Variants in PCLO observed in about 807,000 individuals in gnomAD.
PCLO encodes the protein piccolo presynaptic cytomatrix protein.
Under a neutral mutation model 427.5 loss-of-function variants are expected in PCLO, and 82 were observed. That is an observed-to-expected ratio of 0.19 (90% CI 0.16 to 0.23). PCLO has a LOEUF of 0.23. Ranked by LOEUF, PCLO falls within the 10% of genes least tolerant of loss-of-function variation. The pLI is 1.00. For synonymous variants in PCLO, 2,357 were observed against 2,155.4 expected (o/e 1.09, Z -2.59); for missense variants, 6,239 against 6,115.9 (o/e 1.02, Z -0.67).
chr7:82,989,067 G>A (rs956014989), intron 3 of PCLO, among the ~76,000 whole-genome samples: 27 of 151,660 alleles, frequency 1.8e-4, no homozygotes, highest in Admixed American at 1.5e-3. Context: ...CAGGTGATTC[G>A]CCCTCCTCGG....
intron 3 of PCLO, among the ~76,000 whole-genome samples, chr7:83,098,089 A>G (rs1461120238): frequency 6.6e-6 from 1 of 152,108 alleles, no homozygotes; most frequent in East Asian, 1.9e-4. Context: ...TCACTGAAGA[A>G]AGGTAAGATA....
rs1212645352 is a variant in PCLO at position 82,956,424 on chromosome 7, T to C, written c.4529A>G (p.Tyr1510Cys). Reference protein sequence around the residue: ...VDDITTRREPYDSVEESSESE... With the variant: ...VDDITTRREPCDSVEESSESE... ...TTCACTACTCTCTTCAACTGAATCA[T>C]AAGGCTCTCTTCTAGTAGTTATGTC... The change falls in exon 5 of 25, where the codon TAT becomes TGT. Residue 1510 changes from tyrosine (Y) to cysteine (C), a missense_variant. Physicochemically the swap from Tyr to Cys is radical, Grantham distance 194. Around this residue, in one of 5 missense-constraint regions of PCLO, gnomAD observed 4,677 missense variants for 4,468.4 expected, o/e 1.05. Coordinates refer to ENST00000333891, the MANE Select transcript of PCLO (RefSeq NM_033026.6). The C allele has an allele frequency of 6.8e-6, 11 of 1,613,722 alleles. No homozygotes were observed. The Middle Eastern group carries it at 6.6e-4, about 96-fold the overall frequency.
chr7:82,777,974 A>G (rs979916361), intron 22 of PCLO, among the ~76,000 whole-genome samples: 9 of 152,222 alleles, frequency 5.9e-5, no homozygotes, highest in African/African-American at 1.9e-4. Flanking sequence ...GGAAACAGAC[A>G]AACTACAGAA....
intron 3 of PCLO, among the ~76,000 whole-genome samples, chr7:83,063,424 T>C (rs1232023420): frequency 6.6e-6 from 1 of 152,124 alleles, no homozygotes; most frequent in Non-Finnish European, 1.5e-5. Flanking sequence ...ATGCATTCAA[T>C]AGAAGCCATA....
chr7:83,067,723 T>C (rs1490136589), intron 3 of PCLO, among the ~76,000 whole-genome samples: 2 of 152,240 alleles, frequency 1.3e-5, no homozygotes, highest in Non-Finnish European at 2.9e-5. Context: ...ACTTGTTTTG[T>C]TATATTTTCA....
chr7:82,982,997 C>T (rs1796180635), intron 3 of PCLO, among the ~76,000 whole-genome samples: 1 of 150,700 alleles, frequency 6.6e-6, no homozygotes, highest in African/African-American at 2.4e-5. Context: ...AAATTAACAC[C>T]TACTCTAATA....
chr7:83,131,475 G>A (rs1045739135), intron 3 of PCLO, among the ~76,000 whole-genome samples: 3 of 152,026 alleles, frequency 2.0e-5, no homozygotes, highest in Non-Finnish European at 4.4e-5. Flanking sequence ...TCTCACAACC[G>A]GAGAAACAGA....
At chr7:82,973,816 G>T (rs1795958417) in intron 3 of PCLO, among the ~76,000 whole-genome samples, 1 of 151,826 alleles carries the variant, frequency 6.6e-6, no homozygotes, top group African/African-American at 2.4e-5. Flanking sequence ...ATTACAACCA[G>T]ATATTAAAAC....
intron 22 of PCLO, among the ~76,000 whole-genome samples, chr7:82,773,605 C>A (rs1468171326): frequency 6.6e-6 from 1 of 152,022 alleles, no homozygotes; most frequent in Non-Finnish European, 1.5e-5. Context: ...CTATAAAACC[C>A]TTTCTAAACA....
At chr7:83,012,718 C>T (rs758566886) in intron 3 of PCLO, among the ~76,000 whole-genome samples, 1 of 142,038 alleles carries the variant, frequency 7.0e-6, no homozygotes, top group Non-Finnish European at 1.5e-5. Flanking sequence ...TCTTTATAAA[C>T]AAAACAGAAC....
At chr7:82,810,686 A>C (rs1791550873) in intron 20 of PCLO, among the ~76,000 whole-genome samples, 1 of 151,738 alleles carries the variant, frequency 6.6e-6, no homozygotes, top group Non-Finnish European at 1.5e-5. Flanking sequence ...TAGATGGTTC[A>C]ACATCATTGT....
chr7:83,050,222 A>AAAAAAAAAAAAAAAAAAC (rs1789204898), intron 3 of PCLO, among the ~76,000 whole-genome samples: 1 of 119,066 alleles, frequency 8.4e-6, no homozygotes, highest in Non-Finnish European at 1.7e-5. Flanking sequence ...AAAAAAAAAA[A>AAAAAAAAAAAAAAAAAAC]AAAAAAAAAA....
At chr7:82,938,408 T>C (rs566714235) in intron 6 of PCLO, among the ~76,000 whole-genome samples, 3 of 152,052 alleles carry the variant, frequency 2.0e-5, no homozygotes, top group African/African-American at 7.2e-5. Flanking sequence ...ATTTTTCTAG[T>C]AGAAAAGAAA....
At chr7:82,906,030 G>C (rs1794182160) in intron 8 of PCLO, among the ~76,000 whole-genome samples, 1 of 151,592 alleles carries the variant, frequency 6.6e-6, no homozygotes, top group Non-Finnish European at 1.5e-5. Flanking sequence ...TAGATAGATA[G>C]ATAGATAGAT....
At chr7:83,038,016 T>TAA (rs1258795513) in intron 3 of PCLO, among the ~76,000 whole-genome samples, 4 of 54,096 alleles carry the variant, frequency 7.4e-5, no homozygotes, top group South Asian at 5.0e-4. Flanking sequence ...TATATATATA[T>TAA]ATATATATAT....
intron 10 of PCLO, among the ~76,000 whole-genome samples, chr7:82,873,159 T>C (rs907077523): frequency 1.3e-5 from 2 of 149,994 alleles, no homozygotes; most frequent in African/African-American, 4.9e-5. Context: ...TACATGGCTG[T>C]TTGCTATATT....
At chr7:82,816,639 T>C (rs576210506) in intron 20 of PCLO, among the ~76,000 whole-genome samples, 3 of 152,306 alleles carry the variant, frequency 2.0e-5, no homozygotes, top group African/African-American at 4.8e-5. Flanking sequence ...TCTTAGATCA[T>C]ATATTAATAG....
intron 4 of PCLO, among the ~76,000 whole-genome samples, chr7:82,958,978 T>TG (rs1413225171): frequency 6.6e-6 from 1 of 152,088 alleles, no homozygotes; most frequent in African/African-American, 2.4e-5. Flanking sequence ...ATGATGGGGG[T>TG]GGGGTACTTA....
At chr7:83,008,323 G>A (rs572850210) in intron 3 of PCLO, among the ~76,000 whole-genome samples, 6 of 151,682 alleles carry the variant, frequency 4.0e-5, no homozygotes, top group East Asian at 1.9e-4. Flanking sequence ...GTTAAAAACC[G>A]GTTAATATAA....
Sources: allele counts gnomAD v4.1 joint callset (sites outside exome capture counted in the v4.1 genomes callset), GRCh38; gene constraint gnomAD v4.1.1; regional missense constraint gnomAD v4.1.1; transcripts MANE v1.5; gene names NCBI Gene and HGNC (gene_info 2026-07-23, HGNC 2026-07-21).